Variants in GRIA4 observed in about 807,000 individuals in gnomAD.
The protein encoded by GRIA4 is glutamate ionotropic receptor AMPA type subunit 4.
Under a neutral mutation model 104.0 loss-of-function variants are expected in GRIA4, and 34 were observed. That is an observed-to-expected ratio of 0.33 (90% CI 0.25 to 0.44). The LOEUF (loss-of-function observed/expected upper bound fraction) is 0.44, where lower values mean the gene tolerates loss of function less well. Ranked by LOEUF, GRIA4 falls within the 20% of genes least tolerant of loss-of-function variation. The pLI, the probability that GRIA4 is intolerant of heterozygous loss-of-function variation, is 1.00. For missense variants in GRIA4, 750 were observed against 1,096.5 expected (o/e 0.68, Z 4.46); for synonymous variants, 386 against 381.9 (o/e 1.01, Z -0.13).
rs981361419 is a variant in GRIA4 at position 105,964,794 on chromosome 11, G to GT, written c.2295-7110dup. Among the ~76,000 whole-genome samples the GT allele has an allele frequency of 2.8e-3, 395 of 141,632 alleles. 6 individuals carry two copies. The highest frequency in any genetic ancestry group is 4.1e-3 in the South Asian group (18 of 4,418). 92.9% of individuals were successfully genotyped at this position (141,632 alleles called of 152,430 possible). On this transcript the variant is annotated intron_variant, in intron 14 of 16. Coordinates refer to ENST00000282499, the MANE Select transcript of GRIA4 (RefSeq NM_000829.4). ...AGAAGCCCATGACATGTTTTTTTTT[G>GT]TTTTTTTTTTGTTTGTTTGTTTTTG...
intron 4 of GRIA4, among the ~76,000 whole-genome samples, chr11:105,781,108 A>G (rs1941708767): frequency 6.6e-6 from 1 of 152,218 alleles, no homozygotes; most frequent in South Asian, 2.1e-4. Flanking sequence ...TCAAACTGCT[A>G]ATAACTTCTG....
chr11:105,887,109 C>T (rs1205668200), intron 5 of GRIA4, among the ~76,000 whole-genome samples: 1 of 151,900 alleles, frequency 6.6e-6, no homozygotes, highest in Non-Finnish European at 1.5e-5. Flanking sequence ...CTATTCTTAC[C>T]CTATTAAGAC....
chr11:105,768,184 G>C (rs894561118), intron 4 of GRIA4, among the ~76,000 whole-genome samples: 3 of 152,232 alleles, frequency 2.0e-5, no homozygotes, highest in Admixed American at 6.5e-5. Context: ...GACAAGGCAA[G>C]CATAGTAGGG....
chr11:105,780,229 G>A, intron 4 of GRIA4, among the ~76,000 whole-genome samples: 1 of 152,140 alleles, frequency 6.6e-6, no homozygotes, highest in East Asian at 1.9e-4. Flanking sequence ...TGATATGATT[G>A]ACGTGTGATG....
At chr11:105,847,849 C>T (rs1057001718) in intron 4 of GRIA4, among the ~76,000 whole-genome samples, 3 of 152,222 alleles carry the variant, frequency 2.0e-5, no homozygotes, top group Admixed American at 6.5e-5. Flanking sequence ...TTCAAACCAC[C>T]GAAAATCCCT....
Position 105,835,100 on chromosome 11 carries a change from G to A in GRIA4, c.488-26924G>A, listed in dbSNP as rs186053394. ...GCTGAAATATGTTATTCTTTATTCT[G>A]TGTTTCTTGTTACTTATTCAATAAT... is the stretch of plus-strand genomic sequence containing the variant. On this transcript the variant is annotated intron_variant, in intron 4 of 16. Transcript: ENST00000282499. Among the ~76,000 whole-genome samples the A allele has an allele frequency of 5.9e-5, 9 of 151,836 alleles. No individual in the cohort carries two copies. The East Asian group carries it at 1.4e-3, about 23-fold the overall frequency.
At chr11:105,822,319 T>G (rs1055628455) in intron 4 of GRIA4, among the ~76,000 whole-genome samples, 3 of 152,122 alleles carry the variant, frequency 2.0e-5, no homozygotes, top group African/African-American at 7.2e-5. Flanking sequence ...TTTCTTTTAC[T>G]CAAGACCTTT....
chr11:105,708,923 T>A (rs576380721), intron 3 of GRIA4, among the ~76,000 whole-genome samples: 1 of 152,124 alleles, frequency 6.6e-6, no homozygotes, highest in South Asian at 2.1e-4. Context: ...TAAATGTAGA[T>A]GTGTAGATGT....
At position 105,967,836 on chromosome 11, in the gene GRIA4, C is replaced by G. The variant is rs932656365; in HGVS notation, c.2295-4078C>G. The stretch of plus-strand genomic sequence containing the variant: ...AAGATGATATTTTAAATGGCCTGAC[C>G]TAACTTAAATCGAAATAAATTACTA... On this transcript the variant is annotated intron_variant, in intron 14 of 16. Transcript: ENST00000282499. 2.6e-5 allele frequency among the ~76,000 whole-genome samples: 4 copies of G among 152,066 alleles called. No homozygotes were observed. The South Asian group carries it at 8.3e-4, about 31-fold the overall frequency.
intron 3 of GRIA4, among the ~76,000 whole-genome samples, chr11:105,655,302 TAGTTA>T (rs1307092312): frequency 6.6e-6 from 1 of 152,160 alleles, no homozygotes; most frequent in Non-Finnish European, 1.5e-5. Context: ...AGACTTTGAG[TAGTTA>T]CATCTAACCT....
intron 4 of GRIA4, among the ~76,000 whole-genome samples, chr11:105,847,311 T>C (rs982595647): frequency 6.6e-6 from 1 of 152,198 alleles, no homozygotes; most frequent in African/African-American, 2.4e-5. Context: ...CAGGCAGTAA[T>C]GCTCCCTTGC....
intron 4 of GRIA4, among the ~76,000 whole-genome samples, chr11:105,790,987 T>G (rs1317507225): frequency 6.6e-6 from 1 of 152,216 alleles, no homozygotes; most frequent in Non-Finnish European, 1.5e-5. Context: ...GCAGAGCCTG[T>G]GTCAGCAGAT....
At chr11:105,723,362 GA>G in intron 3 of GRIA4, among the ~76,000 whole-genome samples, 1 of 152,022 alleles carries the variant, frequency 6.6e-6, no homozygotes, top group South Asian at 2.1e-4. Flanking sequence ...ATAACTTACT[GA>G]ATTAGGTCAT....
chr11:105,664,067 T>A (rs925897520), intron 3 of GRIA4, among the ~76,000 whole-genome samples: 16 of 148,332 alleles, frequency 1.1e-4, no homozygotes, highest in African/African-American at 3.7e-4. Context: ...TGTGAGCTTA[T>A]TCTATTGCTC....
chr11:105,685,953 A>G (rs1952867305), intron 3 of GRIA4, among the ~76,000 whole-genome samples: 1 of 152,276 alleles, frequency 6.6e-6, no homozygotes, highest in African/African-American at 2.4e-5. Flanking sequence ...GAATAAGGCA[A>G]GGATGCGGAT....
chr11:105,726,536 G>C (rs937044279), intron 3 of GRIA4, among the ~76,000 whole-genome samples: 2 of 152,156 alleles, frequency 1.3e-5, no homozygotes, highest in East Asian at 1.9e-4. Flanking sequence ...CAGCACTAGA[G>C]CTCTGCTAAG....
At position 105,804,354 on chromosome 11, in the gene GRIA4, G is replaced by GCACACA. The variant is rs35265620; in HGVS notation, c.487+51152_487+51157dup. ...TTTATTAAAACACACAAACACACAT[G>GCACACA]CACACACACACACACACACACACGC... On this transcript the variant is annotated intron_variant, in intron 4 of 16. Coordinates refer to ENST00000282499, the MANE Select transcript of GRIA4 (RefSeq NM_000829.4). Among the ~76,000 whole-genome samples, 430 of 147,984 alleles carry GCACACA rather than the reference G, an allele frequency of 2.9e-3. 2 individuals carry two copies. The highest frequency in any genetic ancestry group is 1.0e-2 in the African/African-American group (403 of 40,416).
chr11:105,903,763 C>A, intron 7 of GRIA4, 51 bp from the exon 8 acceptor site: 1 of 1,271,040 alleles, frequency 7.9e-7, no homozygotes, highest in Non-Finnish European at 1.1e-6. Context: ...CCATTTCTGG[C>A]ACTCGATAAG....
At chr11:105,864,706 A>G (rs1945344231) in intron 5 of GRIA4, among the ~76,000 whole-genome samples, 1 of 152,124 alleles carries the variant, frequency 6.6e-6, no homozygotes, top group Non-Finnish European at 1.5e-5. Flanking sequence ...CCCTGTCTCT[A>G]CTAAAAATAA....
Sources: allele counts gnomAD v4.1 joint callset (sites outside exome capture counted in the v4.1 genomes callset), GRCh38; gene constraint gnomAD v4.1.1; transcripts MANE v1.5; gene names NCBI Gene and HGNC (gene_info 2026-07-23, HGNC 2026-07-21).